The following EXOC5 variants were observed in gnomAD, a reference collection of about 807,000 sequenced individuals.
EXOC5 encodes the protein exocyst complex component 5.
EXOC5 carries 17 observed loss-of-function variants against 90.8 expected under a neutral mutation model. That is an observed-to-expected ratio of 0.19 (90% CI 0.13 to 0.28). EXOC5 has a LOEUF of 0.28. Among genes scored for constraint, EXOC5 ranks in the 10% least tolerant of loss-of-function variants. The pLI is 1.00. For missense variants in EXOC5, 569 were observed against 830.6 expected, an observed-to-expected ratio of 0.69 and a Z score of 3.87; for synonymous variants, 260 against 270.0, an observed-to-expected ratio of 0.96 and a Z score of 0.36.
At chr14:57,221,116 GTGA>G (rs908419720) in intron 13 of EXOC5, among the ~76,000 whole-genome samples, 3 of 152,160 alleles carry the variant, frequency 2.0e-5, no homozygotes, top group African/African-American at 7.2e-5. Context: ...TTTAGCTAGG[GTGA>G]TGATCAGCAA....
intron 11 of EXOC5, among the ~76,000 whole-genome samples, chr14:57,230,814 T>C (rs1883460042): frequency 6.6e-6 from 1 of 152,042 alleles, no homozygotes; most frequent in Non-Finnish European, 1.5e-5. Context: ...TTCAAGGTAC[T>C]TAAACTACAA....
chr14:57,265,565 AT>A (rs1884647186), intron 1 of EXOC5, among the ~76,000 whole-genome samples: 1 of 152,142 alleles, frequency 6.6e-6, no homozygotes, highest in Non-Finnish European at 1.5e-5. Context: ...TCTGCAAAAA[AT>A]TTTTAAAAAT....
chr14:57,251,650 G>GA (rs892023515), intron 1 of EXOC5, among the ~76,000 whole-genome samples: 2 of 148,276 alleles, frequency 1.3e-5, no homozygotes, highest in East Asian at 2.0e-4. Context: ...TAAGTAACAA[G>GA]AAAAAAAAGA....
intron 1 of EXOC5, among the ~76,000 whole-genome samples, chr14:57,267,988 TAA>T (rs1201582387): frequency 2.6e-5 from 4 of 152,056 alleles, no homozygotes; most frequent in East Asian, 1.9e-4. Flanking sequence ...TTACATGAAA[TAA>T]AGTGTTCACT....
rs1448189744 is a variant in EXOC5, at chr14:57,234,048, A to G, written c.670-16T>C. 6.5e-7 allele frequency: 1 copy of G among 1,539,960 alleles called. No homozygotes were observed. The highest frequency in any genetic ancestry group is 1.7e-5 in the Admixed American group (1 of 59,386). ...GGGAATAACCCTACAAGGAAGAAAC[A>G]CATTGTTATTATTCTGATTCAATTA... On this transcript the variant is annotated splice_polypyrimidine_tract_variant and intron_variant, in intron 7 of 17. Coordinates refer to ENST00000621441, the MANE Select transcript of EXOC5 (RefSeq NM_006544.4).
intron 5 of EXOC5, among the ~76,000 whole-genome samples, chr14:57,238,729 A>G (rs1452289132): frequency 6.6e-6 from 1 of 152,042 alleles, no homozygotes; most frequent in Non-Finnish European, 1.5e-5. Context: ...ATACATTTTT[A>G]GGGGGAATTC....
intron 1 of EXOC5, among the ~76,000 whole-genome samples, chr14:57,259,497 C>T (rs1371160509): frequency 6.6e-6 from 1 of 152,178 alleles, no homozygotes; most frequent in African/African-American, 2.4e-5. Context: ...TTCCGTCAGA[C>T]TATTCCAGTC....
rs8010155 is a variant in EXOC5, at chr14:57,232,623, T to A, written c.938+44A>T. 16 of 857,012 alleles carry A rather than the reference T, an allele frequency of 1.9e-5. No homozygotes were observed. The African/African-American group carries it at 2.6e-4, about 14-fold the overall frequency. 53.1% of individuals were successfully genotyped at this position (857,012 alleles called of 1,614,324 possible). A position where few individuals can be genotyped will look rare whatever the true frequency, so the allele number is the denominator to read the frequency against. ...CTTCCTTGTTTTTATCAAAAAAATTTAAAAAATCTGTTATCTATTATTTTC... is the reference window on the plus strand; with the variant it reads ...CTTCCTTGTTTTTATCAAAAAAATTAAAAAAATCTGTTATCTATTATTTTC... On this transcript the variant is annotated intron_variant, in intron 10 of 17. Coordinates refer to ENST00000621441, the MANE Select transcript of EXOC5 (RefSeq NM_006544.4).
Position 57,207,705 on chromosome 14 carries a change from C to G in EXOC5, c.*904G>C, listed in dbSNP as rs1882700636. On this transcript the variant is annotated 3_prime_UTR_variant, in exon 18 of 18. Coordinates refer to ENST00000621441, the MANE Select transcript of EXOC5 (RefSeq NM_006544.4). ...AAGTTTAGCATTACGACAGAAATCT[C>G]AAAGGGCTGCATGTTGCTAAACACT... The G allele has an allele frequency of 6.6e-6, 1 of 152,088 alleles. No homozygotes were observed. Among genetic ancestry groups the G allele is most frequent in the Non-Finnish European group, 1.5e-5 (1 of 67,984 alleles). 9.4% of individuals were successfully genotyped at this position (152,088 alleles called of 1,614,324 possible). A position where few individuals can be genotyped will look rare whatever the true frequency, so the allele number is the denominator to read the frequency against.
chr14:57,224,761 A>T (rs2139625719), intron 12 of EXOC5, among the ~76,000 whole-genome samples: 2 of 152,220 alleles, frequency 1.3e-5, no homozygotes, highest in South Asian at 4.1e-4. Flanking sequence ...AACCAGACAA[A>T]GACATAAAAA....
intron 1 of EXOC5, chr14:57,268,308 A>T: frequency 1.8e-6 from 1 of 566,020 alleles, no homozygotes; most frequent in Non-Finnish European, 3.0e-6. Context: ...CATCCGGAGT[A>T]GACATCTTCC....
chr14:57,215,229 C>G (rs988427557), intron 15 of EXOC5, among the ~76,000 whole-genome samples: 88 of 149,314 alleles, frequency 5.9e-4, no homozygotes, highest in African/African-American at 2.0e-3. Flanking sequence ...GAGACTCCGT[C>G]TCAAAAAAAA....
At position 57,222,436 on chromosome 14, in the gene EXOC5, C is replaced by A. The variant is rs1416308028; in HGVS notation, c.1297-20G>T. 7 of 1,364,422 alleles carry A rather than the reference C, an allele frequency of 5.1e-6. No individual in the cohort carries two copies. The highest frequency in any genetic ancestry group is 1.9e-5 in the Admixed American group (1 of 53,936). 84.5% of individuals were successfully genotyped at this position (1,364,422 alleles called of 1,614,324 possible). ...AGAGAGCTTAAAAACAAAAATCAAA[C>A]AATATCACTCCTCAAGTCTACCTTT... is the stretch of plus-strand genomic sequence containing the variant. On this transcript the variant is annotated intron_variant, in intron 12 of 17. Transcript: ENST00000621441.
chr14:57,258,567 G>A (rs1007380038), intron 1 of EXOC5, among the ~76,000 whole-genome samples: 2 of 152,100 alleles, frequency 1.3e-5, no homozygotes, highest in African/African-American at 2.4e-5. Context: ...GACTAGGGGA[G>A]GGACAGCATT....
intron 14 of EXOC5, among the ~76,000 whole-genome samples, 158 bp downstream of exon 14, chr14:57,219,164 T>C (rs1883055375): frequency 1.3e-5 from 2 of 152,122 alleles, no homozygotes; most frequent in African/African-American, 2.4e-5. Flanking sequence ...TAATGTTTTA[T>C]TTCCTAAGAA....
At position 57,215,598 on chromosome 14, in the gene EXOC5, G is replaced by A. The variant is rs568890580; in HGVS notation, c.1613+2384C>T. On this transcript the variant is annotated intron_variant, in intron 15 of 17. Coordinates refer to ENST00000621441, the MANE Select transcript of EXOC5 (RefSeq NM_006544.4). ...TGTCTGATGATGTGAAAAAAAAAAC[G>A]CTTCTGGTAAAATTCAACACTCTTT... Among the ~76,000 whole-genome samples, 5 of 151,662 alleles carry A rather than the reference G, an allele frequency of 3.3e-5. 1 individual carries two copies. Among genetic ancestry groups the A allele is most frequent in the African/African-American group, 9.7e-5 (4 of 41,280 alleles).
At chr14:57,217,600 GT>G (rs1218978153) in intron 15 of EXOC5, among the ~76,000 whole-genome samples, 1 of 152,046 alleles carries the variant, frequency 6.6e-6, no homozygotes, top group Admixed American at 6.6e-5. Context: ...CTGTTTCCCT[GT>G]CTCTCTGCCT....
chr14:57,238,363 T>TACACACAC (rs1239763707), intron 5 of EXOC5, among the ~76,000 whole-genome samples: 1 of 94,034 alleles, frequency 1.1e-5, no homozygotes, highest in African/African-American at 3.1e-5. Flanking sequence ...TATATATATA[T>TACACACAC]ATATATATAT....
intron 12 of EXOC5, among the ~76,000 whole-genome samples, chr14:57,227,188 GA>G (rs1308538384): frequency 5.3e-5 from 8 of 152,074 alleles, no homozygotes; most frequent in African/African-American, 1.9e-4. Context: ...ATAAGCACAT[GA>G]AAAGATGCTC....
Sources: allele counts gnomAD v4.1 joint callset (sites outside exome capture counted in the v4.1 genomes callset), GRCh38; gene constraint gnomAD v4.1.1; transcripts MANE v1.5; gene names NCBI Gene and HGNC (gene_info 2026-07-23, HGNC 2026-07-21).